Variants in THOC1 observed in about 807,000 individuals in gnomAD.
The protein encoded by THOC1 is THO complex 1.
In THOC1, 29 loss-of-function variants were observed where a neutral mutation model predicts 97.3. The observed-to-expected ratio is 0.30, with a 90% CI of 0.22 to 0.41. The LOEUF (loss-of-function observed/expected upper bound fraction) is 0.41, where lower values mean the gene tolerates loss of function less well. Among genes scored for constraint, THOC1 ranks in the 10% least tolerant of loss-of-function variants. The probability of loss-of-function intolerance (pLI) is 1.00; values close to 1 mark genes in which losing one functional copy is unlikely to be tolerated. For synonymous variants in THOC1, 255 were observed against 257.0 expected (o/e 0.99, Z 0.07); for missense variants, 529 against 761.9 (o/e 0.69, Z 3.60).
intron 4 of THOC1, chr18:261,203 A>G (rs1431883876): frequency 1.3e-5 from 2 of 152,218 alleles, no homozygotes; most frequent in African/African-American, 4.8e-5. Context: ...TAGTCTATCT[A>G]GACTACTTAG....
intron 13 of THOC1, 21 bp from the exon 14 acceptor site, chr18:225,160 C>T: frequency 3.2e-6 from 5 of 1,558,526 alleles, no homozygotes; most frequent in Non-Finnish European, 4.3e-6. Context: ...AAAGAATATA[C>T]TAAGCTTTCA....
At chr18:223,570 G>C in intron 16 of THOC1, 65 bp from the exon 17 acceptor site, 3 of 1,268,710 alleles carry the variant, frequency 2.4e-6, no homozygotes, top group Non-Finnish European at 3.3e-6. Flanking sequence ...CCTTGAAACT[G>C]AACAGAAAAA....
chr18:238,172 T>C (rs1009303465), intron 11 of THOC1, among the ~76,000 whole-genome samples: 2 of 152,126 alleles, frequency 1.3e-5, no homozygotes, highest in Non-Finnish European at 2.9e-5. Flanking sequence ...AGCTCTACTT[T>C]CTAATAATTC....
chr18:259,953 A>T (rs1358705821), intron 5 of THOC1: 1 of 524,156 alleles, frequency 1.9e-6, no homozygotes, highest in Non-Finnish European at 3.3e-6. Context: ...GAAAGTGTGA[A>T]TTTTCAAGTT....
intron 11 of THOC1, among the ~76,000 whole-genome samples, chr18:241,043 G>C (rs990387251): frequency 6.6e-6 from 1 of 152,148 alleles, no homozygotes; most frequent in Admixed American, 6.5e-5. Context: ...GGTAATATGA[G>C]TGATGGAGAG....
Position 242,442 on chromosome 18 carries a change from C to CAAA in THOC1, c.918+3879_918+3881dup. On this transcript the variant is annotated intron_variant, in intron 11 of 20. Coordinates refer to ENST00000261600, the MANE Select transcript of THOC1 (RefSeq NM_005131.3). This position sits in a 1 kb window ranked among gnomAD's most constrained non-coding sequence, Gnocchi z 4.5. ...ACAGTGGGCCAAAAAAAAAGTGTCTCAAAAAAAAAAAAAAAGTTTGTATCA... is the reference window on the plus strand; with the variant it reads ...ACAGTGGGCCAAAAAAAAAGTGTCTCAAAAAAAAAAAAAAAAAAGTTTGTATCA... 7.2e-6 allele frequency among the ~76,000 whole-genome samples: 1 copy of CAAA among 138,350 alleles called. No homozygotes were observed. The allele number at this position is 138,350 out of a possible 152,430, so 90.8% of individuals were successfully genotyped here.
Position 214,747 on chromosome 18 carries a change from A to C in THOC1, c.1853T>G (p.Val618Gly). The change falls in exon 21 of 21, where the codon GTT becomes GGT. Residue 618 changes from valine (V) to glycine (G), a missense_variant. Around this residue, in one of 8 missense-constraint regions of THOC1, gnomAD observed 98 missense variants for 111.9 expected, o/e 0.88. Transcript: ENST00000261600. Reference sequence around the variant, plus strand: ...AACTCCCTCTTGATCTTGCCAGGCAACCAGGAGCTGCTTAGCTCTCATCTT... The same window carrying C: ...AACTCCCTCTTGATCTTGCCAGGCACCCAGGAGCTGCTTAGCTCTCATCTT... ...DMKMRAKQLLVAWQDQEGVHA... is the reference protein window; with the variant it reads ...DMKMRAKQLLGAWQDQEGVHA... 6.2e-7 allele frequency: 1 copy of C among 1,613,952 alleles called. No individual in the cohort carries two copies. Among genetic ancestry groups the C allele is most frequent in the Non-Finnish European group, 8.5e-7 (1 of 1,179,870 alleles).
intron 10 of THOC1, among the ~76,000 whole-genome samples, chr18:247,619 C>CA (rs1202815184): frequency 1.3e-5 from 2 of 152,010 alleles, no homozygotes; most frequent in African/African-American, 4.8e-5. Context: ...TCATTATATT[C>CA]AAAAAAAGCA....
At chr18:250,564 T>C (rs551409338) in intron 9 of THOC1, among the ~76,000 whole-genome samples, 1 of 152,246 alleles carries the variant, frequency 6.6e-6, no homozygotes, top group Non-Finnish European at 1.5e-5. Context: ...ATGTTATACA[T>C]TGAAATTTCT....
At chr18:245,284 T>C (rs576857509) in intron 11 of THOC1, 1 of 152,272 alleles carries the variant, frequency 6.6e-6, no homozygotes, top group South Asian at 2.1e-4. Flanking sequence ...TCTTTTGGGA[T>C]GTTTGTTTAC....
intron 4 of THOC1, among the ~76,000 whole-genome samples, chr18:263,340 A>G (rs1169973207): frequency 2.0e-5 from 3 of 151,898 alleles, no homozygotes; most frequent in African/African-American, 7.3e-5. Context: ...CAGCCTCCCA[A>G]AGTGCTGGGA....
intron 11 of THOC1, among the ~76,000 whole-genome samples, chr18:228,850 A>T (rs574574401): frequency 3.3e-5 from 5 of 152,278 alleles, no homozygotes; most frequent in Non-Finnish European, 7.4e-5. Context: ...ACCACCTTAA[A>T]CATCTGTTTT....
intron 7 of THOC1, among the ~76,000 whole-genome samples, chr18:258,048 TAC>T (rs1912490383): frequency 1.3e-5 from 2 of 151,896 alleles, no homozygotes; most frequent in South Asian, 4.2e-4. Context: ...AAAAGAAATT[TAC>T]ACAGAGATAC....
In THOC1 at chr18:216,588, T is replaced by C; in HGVS notation, c.1500A>G (p.Leu500=). 3 of 1,614,008 alleles carry C rather than the reference T, an allele frequency of 1.9e-6. No individual in the cohort carries two copies. Among genetic ancestry groups the C allele is most frequent in the Non-Finnish European group, 2.5e-6 (3 of 1,179,886 alleles). Residue 500 remains leucine (L), a synonymous_variant, in exon 19 of 21, where the codon TTA becomes TTG. Transcript: ENST00000261600. The part of the protein sequence containing the change: ...SNYGWRALRL[L]ARRSPHFFQP... ...GGAAGAAGTGAGGGCTTCTCCGTGC[T>C]AATAGTCTCAGGGCTCTCCAACCAT...
chr18:248,592 T>A (rs1484809900), intron 9 of THOC1, among the ~76,000 whole-genome samples: 1 of 152,148 alleles, frequency 6.6e-6, no homozygotes, highest in Non-Finnish European at 1.5e-5. Flanking sequence ...CTAAAAATAT[T>A]ATATCCTAAG....
intron 11 of THOC1, 74 bp from the exon 12 acceptor site, chr18:226,975 G>T: frequency 8.7e-7 from 1 of 1,143,878 alleles, no homozygotes; most frequent in Non-Finnish European, 1.3e-6. Context: ...TACAAAATGT[G>T]CTAATATAGA....
intron 19 of THOC1, 46 bp downstream of exon 19, chr18:216,436 TAAAG>T (rs902173410): frequency 4.4e-6 from 7 of 1,573,438 alleles, no homozygotes; most frequent in Non-Finnish European, 4.3e-6. Flanking sequence ...ACAGCAATTT[TAAAG>T]AAGATGTCAA....
intron 10 of THOC1, 115 bp from the exon 11 acceptor site, chr18:246,570 A>G: frequency 1.3e-6 from 1 of 769,512 alleles, no homozygotes; most frequent in Non-Finnish European, 2.1e-6. Context: ...TAGACTGTAT[A>G]TTGCAAGGCA....
rs1912693595 is a variant in THOC1, at chr18:264,210, T to A, written c.190-118A>T. On this transcript the variant is annotated intron_variant, in intron 3 of 20. Coordinates refer to ENST00000261600, the MANE Select transcript of THOC1 (RefSeq NM_005131.3). ...CTATCAGAAATATGGAATACAATAT[T>A]TCTTATAGAAAACAATATTTTCTAA... The A allele has an allele frequency of 6.1e-6, 4 of 659,014 alleles. No homozygotes were observed. In the East Asian group the frequency reaches 1.2e-4, roughly 19 times the overall value. 40.8% of individuals were successfully genotyped at this position (659,014 alleles called of 1,614,324 possible).
Sources: gnomAD v4.1 joint callset for allele counts (sites outside exome capture counted in the v4.1 genomes callset) on GRCh38, gnomAD v4.1.1 for gene constraint, gnomAD v4.1.1 regional missense constraint, Gnocchi (gnomAD v3.1) non-coding constraint, MANE v1.5 for transcripts, NCBI Gene and HGNC (gene_info 2026-07-23, HGNC 2026-07-21) for gene names.